The following ERC2 variants were observed in gnomAD, a reference collection of about 807,000 sequenced individuals.
ERC2 encodes the protein ELKS/RAB6-interacting/CAST family member 2, also known as ERC protein 2.
In ERC2, 42 loss-of-function variants were observed where a neutral mutation model predicts 114.8. The observed-to-expected ratio is 0.37, with a 90% confidence interval of 0.29 to 0.47. The LOEUF is 0.47. Ranked by LOEUF, ERC2 falls within the 20% of genes least tolerant of loss-of-function variation. The pLI, the probability that ERC2 is intolerant of heterozygous loss-of-function variation, is 0.99. For missense variants in ERC2, 939 were observed against 1,150.7 expected (o/e 0.82, Z 2.66); for synonymous variants, 454 against 425.5 (o/e 1.07, Z -0.82).
At chr3:56,195,051 T>G (rs1283248040) in intron 3 of ERC2, among the ~76,000 whole-genome samples, 1 of 152,172 alleles carries the variant, frequency 6.6e-6, no homozygotes, top group Non-Finnish European at 1.5e-5. Flanking sequence ...TTAGACACAG[T>G]AAGAGATTAA....
intron 15 of ERC2, among the ~76,000 whole-genome samples, chr3:55,712,778 C>T (rs908417177): frequency 2.0e-5 from 3 of 152,164 alleles, no homozygotes; most frequent in Non-Finnish European, 4.4e-5. Context: ...GGGCAGCTCA[C>T]GTCTTCAGAT....
intron 2 of ERC2, among the ~76,000 whole-genome samples, chr3:56,302,035 T>C (rs1441772396): frequency 1.3e-5 from 2 of 152,136 alleles, no homozygotes; most frequent in Non-Finnish European, 2.9e-5. Context: ...CAGAAAGACA[T>C]AAACCATCTG....
chr3:56,145,214 A>C (rs896319294), intron 5 of ERC2, among the ~76,000 whole-genome samples: 1 of 152,222 alleles, frequency 6.6e-6, no homozygotes, highest in Non-Finnish European at 1.5e-5. Flanking sequence ...GGAGGTTTGT[A>C]ATCTATCAGA....
intron 2 of ERC2, among the ~76,000 whole-genome samples, chr3:56,338,258 C>T (rs1352473588): frequency 6.6e-6 from 1 of 152,120 alleles, no homozygotes; most frequent in Non-Finnish European, 1.5e-5. Flanking sequence ...ATTCATTATG[C>T]TGTACATTTA....
rs79723232 is a variant in ERC2, at chr3:56,241,926, C to A, written c.1074+54093G>T. 2.6e-5 allele frequency among the ~76,000 whole-genome samples: 4 copies of A among 152,300 alleles called. No individual in the cohort carries two copies. In the East Asian group the frequency reaches 7.7e-4, roughly 29 times the overall value. ...TCATGCTCACTTGTTTATGTATTTT[C>A]TATGGCTGCTGTTTCCATGCTACAA... On this transcript the variant is annotated intron_variant, in intron 3 of 17. Coordinates refer to ENST00000288221, the MANE Select transcript of ERC2 (RefSeq NM_015576.3).
intron 15 of ERC2, among the ~76,000 whole-genome samples, chr3:55,715,926 G>C (rs1483313629): frequency 6.6e-6 from 1 of 152,102 alleles, no homozygotes; most frequent in Non-Finnish European, 1.5e-5. Flanking sequence ...ATGCATTAAT[G>C]AAAGACCCAA....
chr3:55,630,165 T>C (rs1022268186), intron 17 of ERC2, among the ~76,000 whole-genome samples: 1 of 152,152 alleles, frequency 6.6e-6, no homozygotes, highest in Admixed American at 6.5e-5. Context: ...ACACTTTTTG[T>C]TTTGTTTTGT....
chr3:55,928,465 T>G (rs186805270), intron 13 of ERC2, among the ~76,000 whole-genome samples: 2 of 151,846 alleles, frequency 1.3e-5, no homozygotes, highest in African/African-American at 4.8e-5. Context: ...AATTATTCAA[T>G]TTTTTTCTTA....
At chr3:56,285,170 A>G (rs757627285) in intron 3 of ERC2, among the ~76,000 whole-genome samples, 13 of 148,690 alleles carry the variant, frequency 8.7e-5, no homozygotes, top group South Asian at 6.6e-4. Context: ...CGGGTGAAGA[A>G]GTCTCCTGAT....
chr3:56,277,040 C>T (rs115611507), intron 3 of ERC2, among the ~76,000 whole-genome samples: 131 of 152,322 alleles, frequency 8.6e-4, no homozygotes, highest in Non-Finnish European at 1.4e-3. Context: ...AGGGACCAAA[C>T]GCAAAGGTCC....
At chr3:55,824,486 G>A (rs371854774) in intron 14 of ERC2, among the ~76,000 whole-genome samples, 3 of 152,272 alleles carry the variant, frequency 2.0e-5, no homozygotes, top group African/African-American at 7.2e-5. Context: ...ATACATTTTT[G>A]GGTCTATGTG....
At position 55,816,908 on chromosome 3, in the gene ERC2, CT is replaced by C. The variant is rs373035917; in HGVS notation, c.2564+71480del. Among the ~76,000 whole-genome samples, 88 of 152,306 alleles carry C rather than the reference CT, an allele frequency of 5.8e-4. No individual in the cohort carries two copies. In the South Asian group the frequency reaches 0.017, roughly 30 times the overall value. ...GAAAGAGACTTGAAAAGATTTTCTG[CT>C]GTCTGGCATGTGCAGCAGTGCAGAG... is the stretch of plus-strand genomic sequence containing the variant. On this transcript the variant is annotated intron_variant, in intron 14 of 17. Coordinates refer to ENST00000288221, the MANE Select transcript of ERC2 (RefSeq NM_015576.3).
chr3:56,078,363 T>C (rs2077073295), intron 7 of ERC2, among the ~76,000 whole-genome samples: 1 of 152,218 alleles, frequency 6.6e-6, no homozygotes, highest in Non-Finnish European at 1.5e-5. Context: ...ACTTTGTTTT[T>C]AAAATGTGAC....
intron 14 of ERC2, among the ~76,000 whole-genome samples, chr3:55,749,906 C>T (rs577814578): frequency 6.6e-6 from 1 of 152,102 alleles, no homozygotes; most frequent in Non-Finnish European, 1.5e-5. Flanking sequence ...GGTGAGACCA[C>T]GAACCCACCA....
chr3:55,560,664 T>C (rs1488282754), intron 17 of ERC2, among the ~76,000 whole-genome samples: 1 of 152,160 alleles, frequency 6.6e-6, no homozygotes, highest in African/African-American at 2.4e-5. Flanking sequence ...CTTCCCAGCT[T>C]AGTGCTGATG....
At chr3:56,226,294 C>T (rs2050243452) in intron 3 of ERC2, among the ~76,000 whole-genome samples, 1 of 152,150 alleles carries the variant, frequency 6.6e-6, no homozygotes, top group Non-Finnish European at 1.5e-5. Context: ...TGCAAGGAAC[C>T]GAGTTTTGTT....
At chr3:56,267,443 A>G (rs543659946) in intron 3 of ERC2, among the ~76,000 whole-genome samples, 71 of 152,252 alleles carry the variant, frequency 4.7e-4, no homozygotes, top group African/African-American at 1.7e-3. Flanking sequence ...GGATAGAAGA[A>G]TGGTTATGGC....
chr3:56,211,698 A>C (rs564740864), intron 3 of ERC2, among the ~76,000 whole-genome samples: 40 of 152,182 alleles, frequency 2.6e-4, no homozygotes, highest in Non-Finnish European at 4.9e-4. Flanking sequence ...TGACCTTCAA[A>C]CTATTCTATA....
At chr3:56,067,028 A>G (rs1355610259) in intron 7 of ERC2, among the ~76,000 whole-genome samples, 1 of 152,022 alleles carries the variant, frequency 6.6e-6, no homozygotes, top group African/African-American at 2.4e-5. Flanking sequence ...TCTTGGCTAC[A>G]TAGGCATGGG....
Sources: gnomAD v4.1 joint callset for allele counts (sites outside exome capture counted in the v4.1 genomes callset) on GRCh38, gnomAD v4.1.1 for gene constraint, MANE v1.5 for transcripts, NCBI Gene and HGNC (gene_info 2026-07-23, HGNC 2026-07-21) for gene names.